ELK3: variants seen among roughly 807,000 people sequenced by gnomAD.
ELK3 encodes ETS transcription factor ELK3, also known as ETS domain-containing protein Elk-3.
ELK3 carries 10 observed loss-of-function variants against 28.9 expected under a neutral mutation model. The observed-to-expected ratio is 0.35, with a 90% CI of 0.21 to 0.59. ELK3 has a LOEUF of 0.59. Ranked by LOEUF, ELK3 falls within the 20% of genes least tolerant of loss-of-function variation. The pLI is 0.82. For missense variants in ELK3, 463 were observed against 517.3 expected, an observed-to-expected ratio of 0.90 and a Z score of 1.02; for synonymous variants, 272 against 243.5, an observed-to-expected ratio of 1.12 and a Z score of -1.09.
At chr12:96,252,292 A>G (rs1006840771) in intron 3 of ELK3, among the ~76,000 whole-genome samples, 1 of 152,216 alleles carries the variant, frequency 6.6e-6, no homozygotes. Flanking sequence ...GATATACAAG[A>G]AGATTAATAT....
chr12:96,259,524 T>G (rs1951977426), intron 3 of ELK3, among the ~76,000 whole-genome samples: 1 of 152,116 alleles, frequency 6.6e-6, no homozygotes, highest in South Asian at 2.1e-4. Context: ...CCAGCCTGGG[T>G]GACAGAGCGA....
At position 96,263,241 on chromosome 12, in the gene ELK3, A is replaced by AAG. The variant is rs1167782981; in HGVS notation, c.1125+3391_1125+3392dup. Reference sequence around the variant, plus strand: ...AAGGAGAGAGAAGACGCCTTTCTGGAAGAGGTATGCTTTAAAATTGAGAAA... The same window carrying AAG: ...AAGGAGAGAGAAGACGCCTTTCTGGAAGAGAGGTATGCTTTAAAATTGAGAAA... On this transcript the variant is annotated intron_variant, in intron 4 of 4. Transcript: ENST00000228741. 3.3e-5 allele frequency among the ~76,000 whole-genome samples: 5 copies of AAG among 152,226 alleles called. No homozygotes were observed. In the South Asian group the frequency reaches 1.0e-3, roughly 31 times the overall value.
rs1166215747 is a variant in ELK3, at chr12:96,220,913, G to A, written c.-2-2652G>A. On this transcript the variant is annotated intron_variant, in intron 1 of 4. Transcript: ENST00000228741. ...CTGCTTCAGATGATGGGCGGGTGGG[G>A]CTTGGCTTCGGACTTTGGGTTGAGT... Among the ~76,000 whole-genome samples, 3 of 152,184 alleles carry A rather than the reference G, an allele frequency of 2.0e-5. No individual in the cohort carries two copies. In the East Asian group the frequency reaches 5.8e-4, roughly 29 times the overall value.
intron 1 of ELK3, among the ~76,000 whole-genome samples, chr12:96,201,362 T>G (rs75909067): frequency 0.011 from 1,746 of 152,166 alleles, 27 homozygotes; most frequent in African/African-American, 0.04. Context: ...GGCTCACATG[T>G]GTCATCCCAG....
rs541381623 is a variant in ELK3 at position 96,240,357 on chromosome 12, A to G, written c.208-6583A>G. Among the ~76,000 whole-genome samples, 169 of 152,314 alleles carry G rather than the reference A, an allele frequency of 1.1e-3. 1 individual carries two copies. Among genetic ancestry groups the G allele is most frequent in the Non-Finnish European group, 2.0e-3 (134 of 68,032 alleles). ...AAATGGGAGTGTAAAAATGATGATA[A>G]TACTAATAGCTAGTATATGTTATGG... On this transcript the variant is annotated intron_variant, in intron 2 of 4. Coordinates refer to ENST00000228741, the MANE Select transcript of ELK3 (RefSeq NM_005230.4).
At chr12:96,248,439 T>C (rs1951876079) in intron 3 of ELK3, among the ~76,000 whole-genome samples, 1 of 152,232 alleles carries the variant, frequency 6.6e-6, no homozygotes, top group South Asian at 2.1e-4. Flanking sequence ...AAAGGCGTAG[T>C]AGGTGCTGGG....
At chr12:96,251,363 C>T (rs1314041090) in intron 3 of ELK3, among the ~76,000 whole-genome samples, 2 of 152,084 alleles carry the variant, frequency 1.3e-5, no homozygotes, top group Non-Finnish European at 2.9e-5. Context: ...TCTCCCTCTC[C>T]TTGGGTCTCC....
chr12:96,226,337 A>G (rs2137016679), intron 2 of ELK3, among the ~76,000 whole-genome samples: 1 of 152,340 alleles, frequency 6.6e-6, no homozygotes. Context: ...TGGAGCTGGC[A>G]GTAAGGGCAG....
rs770681014 is a variant in ELK3 at position 96,246,990 on chromosome 12, T to C, written c.258T>C (p.Ser86=). 8.1e-6 allele frequency: 13 copies of C among 1,613,228 alleles called. No individual in the cohort carries two copies. Among genetic ancestry groups the C allele is most frequent in the Non-Finnish European group, 8.5e-7 (1 of 1,179,398 alleles). The change falls in exon 3 of 5, where the codon TCT becomes TCC. Residue 86 remains serine, a synonymous_variant. Coordinates refer to ENST00000228741, the MANE Select transcript of ELK3 (RefSeq NM_005230.4). ...AGAAGTTTGTGTACAAGTTTGTCTCTTTCCCGGAGATCCTGAAGATGGATC... is the reference window on the plus strand; with the variant it reads ...AGAAGTTTGTGTACAAGTTTGTCTCCTTCCCGGAGATCCTGAAGATGGATC... ...IGQKFVYKFV[S]FPEILKMDPH...
At chr12:96,249,378 C>T (rs565735388) in intron 3 of ELK3, among the ~76,000 whole-genome samples, 33 of 152,242 alleles carry the variant, frequency 2.2e-4, no homozygotes, top group African/African-American at 5.1e-4. Flanking sequence ...GGTGGTGACG[C>T]GCGCCACTGC....
intron 2 of ELK3, among the ~76,000 whole-genome samples, chr12:96,245,126 CTG>C (rs2137031594): frequency 6.6e-6 from 1 of 152,224 alleles, no homozygotes; most frequent in East Asian, 1.9e-4. Flanking sequence ...CTCCATGACT[CTG>C]TATGAGATCT....
At chr12:96,255,564 G>C (rs934603689) in intron 3 of ELK3, 3 of 152,260 alleles carry the variant, frequency 2.0e-5, no homozygotes, top group African/African-American at 7.2e-5. Flanking sequence ...AGAGGGTTTG[G>C]GGAGGGAAGT....
intron 4 of ELK3, 143 bp downstream of exon 4, chr12:96,259,996 G>T: frequency 1.7e-6 from 2 of 1,153,426 alleles, no homozygotes; most frequent in Non-Finnish European, 2.3e-6. Flanking sequence ...TAGTGGGGTT[G>T]CACGCCCTTC....
intron 3 of ELK3, among the ~76,000 whole-genome samples, chr12:96,254,894 AGGAACAGC>A (rs1951936082): frequency 6.6e-6 from 1 of 152,086 alleles, no homozygotes. Flanking sequence ...TCGTCGGCAG[AGGAACAGC>A]TTGAGGCAAG....
intron 1 of ELK3, among the ~76,000 whole-genome samples, chr12:96,216,065 G>T (rs1173851103): frequency 6.6e-6 from 1 of 152,150 alleles, no homozygotes; most frequent in Non-Finnish European, 1.5e-5. Flanking sequence ...TTTACTCTCG[G>T]CCTCTCTACT....
intron 1 of ELK3, among the ~76,000 whole-genome samples, chr12:96,195,010 A>G (rs1951453071): frequency 6.6e-6 from 1 of 151,296 alleles, no homozygotes; most frequent in Non-Finnish European, 1.5e-5. Context: ...GCGACCCCAG[A>G]GGAAGGGGCG....
At chr12:96,251,696 G>C (rs1381874709) in intron 3 of ELK3, among the ~76,000 whole-genome samples, 1 of 152,190 alleles carries the variant, frequency 6.6e-6, no homozygotes, top group Admixed American at 6.5e-5. Context: ...GATCAAACCA[G>C]CCACAACATT....
chr12:96,212,051 G>T (rs749368105), intron 1 of ELK3, among the ~76,000 whole-genome samples: 8 of 152,194 alleles, frequency 5.3e-5, no homozygotes, highest in Non-Finnish European at 1.0e-4. Context: ...CCTCAGTGTT[G>T]TTTCAGAAGG....
chr12:96,232,919 T>A (rs1339823511), intron 2 of ELK3, among the ~76,000 whole-genome samples: 1 of 152,132 alleles, frequency 6.6e-6, no homozygotes, highest in Non-Finnish European at 1.5e-5. Flanking sequence ...AGTGAGCTCT[T>A]ACTATATGAC....
Sources: gnomAD v4.1 joint callset for allele counts (sites outside exome capture counted in the v4.1 genomes callset) on GRCh38, gnomAD v4.1.1 for gene constraint, MANE v1.5 for transcripts, NCBI Gene and HGNC (gene_info 2026-07-23, HGNC 2026-07-21) for gene names.